RBFOX1: variants seen among roughly 807,000 people sequenced by gnomAD.
The protein encoded by RBFOX1 is RNA binding fox-1 homolog 1.
In RBFOX1, 8 loss-of-function variants were observed where a neutral mutation model predicts 57.7. The ratio of observed to expected loss-of-function variants is 0.14; its 90% CI spans 0.08 to 0.25. The LOEUF is 0.25. Ranked by LOEUF, RBFOX1 falls within the 10% of genes least tolerant of loss-of-function variation. The pLI is 1.00. For missense variants in RBFOX1, 611 were observed against 548.5 expected, an observed-to-expected ratio of 1.11 and a Z score of -1.14; for synonymous variants, 326 against 222.4, an observed-to-expected ratio of 1.47 and a Z score of -4.15.
At chr16:7,448,508 A>G (rs1456673244) in intron 4 of RBFOX1, among the ~76,000 whole-genome samples, 1 of 152,198 alleles carries the variant, frequency 6.6e-6, no homozygotes, top group Non-Finnish European at 1.5e-5. Flanking sequence ...CATAAGACTA[A>G]CTGACTATGG....
chr16:7,072,407 T>C (rs917855422), intron 4 of RBFOX1, among the ~76,000 whole-genome samples: 26 of 152,080 alleles, frequency 1.7e-4, no homozygotes, highest in African/African-American at 6.3e-4. Flanking sequence ...TTCTCCTGTC[T>C]TCTTACTCCC....
intron 3 of RBFOX1, among the ~76,000 whole-genome samples, chr16:6,792,236 T>G (rs2083112718): frequency 6.6e-6 from 1 of 152,166 alleles, no homozygotes; most frequent in Non-Finnish European, 1.5e-5. Context: ...TATTGGAGAA[T>G]TATAGGTGAT....
chr16:5,891,898 C>A (rs1005522961), intron 4 of RBFOX1, among the ~76,000 whole-genome samples: 4 of 152,156 alleles, frequency 2.6e-5, no homozygotes, highest in Admixed American at 2.6e-4. Flanking sequence ...GCACACGTTG[C>A]GCAGGACTAA....
At chr16:7,209,949 A>T (rs1448487224) in intron 4 of RBFOX1, among the ~76,000 whole-genome samples, 1 of 152,150 alleles carries the variant, frequency 6.6e-6, no homozygotes, top group Non-Finnish European at 1.5e-5. Flanking sequence ...AGGCAAAATG[A>T]AAGCTTTTAA....
At chr16:7,426,071 C>G (rs769232179) in intron 4 of RBFOX1, among the ~76,000 whole-genome samples, 1 of 152,194 alleles carries the variant, frequency 6.6e-6, no homozygotes, top group East Asian at 1.9e-4. Context: ...AATAGAAAGG[C>G]TTATCTCGTT....
At chr16:5,777,176 C>T (rs1418698965) in intron 3 of RBFOX1, among the ~76,000 whole-genome samples, 1 of 152,178 alleles carries the variant, frequency 6.6e-6, no homozygotes, top group Non-Finnish European at 1.5e-5. Flanking sequence ...GGTTGTTTTC[C>T]TCCTGGAGGC....
chr16:5,618,878 G>C (rs1042647291), intron 3 of RBFOX1, among the ~76,000 whole-genome samples: 1 of 152,302 alleles, frequency 6.6e-6, no homozygotes, highest in Non-Finnish European at 1.5e-5. Context: ...CCAGAACCCA[G>C]CTTCCTGTTG....
Position 6,632,829 on chromosome 16 carries a change from G to A in RBFOX1, c.-63-21774G>A, listed in dbSNP as rs1423756949. On this transcript the variant is annotated intron_variant, in intron 2 of 15. Transcript: ENST00000550418. Reference sequence around the variant, plus strand: ...CTTTTCATTATATTTGCTATTACTGGAGCTGCTCTCTTTTCTTAAAACCTG... The same window carrying A: ...CTTTTCATTATATTTGCTATTACTGAAGCTGCTCTCTTTTCTTAAAACCTG... 2.6e-5 allele frequency among the ~76,000 whole-genome samples: 4 copies of A among 152,172 alleles called. 1 individual carries two copies. The highest frequency in any genetic ancestry group is 9.7e-5 in the African/African-American group (4 of 41,438).
chr16:7,037,998 A>T (rs113762738), intron 3 of RBFOX1, among the ~76,000 whole-genome samples: 1 of 152,236 alleles, frequency 6.6e-6, no homozygotes, highest in African/African-American at 2.4e-5. Flanking sequence ...AATTACAGTT[A>T]AAACATCTTA....
intron 2 of RBFOX1, among the ~76,000 whole-genome samples, chr16:5,495,824 GGCTAAAGAAACCCATTAAGGGCTGAGCAT>G (rs2042983761): frequency 6.6e-6 from 1 of 152,182 alleles, no homozygotes; most frequent in Non-Finnish European, 1.5e-5. Context: ...TCCATCCCTT[GGCTAAAGAAACCCATTAAGGGCTGAGCAT>G]GGTGGCTCAC....
At position 5,257,931 on chromosome 16, in the gene RBFOX1, T is replaced by G. The variant is rs1292593338; in HGVS notation, c.219+17826T>G. Among the ~76,000 whole-genome samples the G allele has an allele frequency of 3.3e-5, 5 of 152,210 alleles. 1 individual carries two copies. In the South Asian group the frequency reaches 6.2e-4, roughly 19 times the overall value. On this transcript the variant is annotated intron_variant, in intron 1 of 2. Coordinates refer to the RBFOX1 transcript ENST00000585867. The stretch of plus-strand genomic sequence containing the variant: ...TCTAACTCTGTCACCCAGGCTGGAG[T>G]GCAGTGGTGTGACCTTGGCTCACTG...
intron 3 of RBFOX1, among the ~76,000 whole-genome samples, chr16:6,903,135 T>G (rs1468059372): frequency 6.6e-6 from 1 of 152,152 alleles, no homozygotes; most frequent in Non-Finnish European, 1.5e-5. Flanking sequence ...CCATCATAAG[T>G]GACTTCACTT....
At chr16:6,680,216 C>G (rs902048895) in intron 3 of RBFOX1, among the ~76,000 whole-genome samples, 27 of 150,118 alleles carry the variant, frequency 1.8e-4, no homozygotes, top group African/African-American at 6.6e-4. Flanking sequence ...AGTAAGTGGT[C>G]GAAGTACAAT....
intron 3 of RBFOX1, among the ~76,000 whole-genome samples, chr16:6,962,642 A>G (rs1177737371): frequency 6.6e-6 from 1 of 152,112 alleles, no homozygotes; most frequent in Non-Finnish European, 1.5e-5. Context: ...AGGCCGGTAG[A>G]TTGGTTGAAC....
intron 2 of RBFOX1, among the ~76,000 whole-genome samples, chr16:6,573,402 T>C: frequency 6.6e-6 from 1 of 152,200 alleles, no homozygotes; most frequent in Non-Finnish European, 1.5e-5. Flanking sequence ...TACTTTATCC[T>C]GGCCTGTCTC....
At chr16:7,638,131 A>G (rs1659002443) in intron 11 of RBFOX1, among the ~76,000 whole-genome samples, 3 of 152,130 alleles carry the variant, frequency 2.0e-5, no homozygotes, top group Admixed American at 2.0e-4. Context: ...AAGTTCTGCA[A>G]CGACAGTGAA....
chr16:7,455,756 C>G (rs1256613648), intron 4 of RBFOX1, among the ~76,000 whole-genome samples: 1 of 128,328 alleles, frequency 7.8e-6, no homozygotes, highest in East Asian at 2.2e-4. Flanking sequence ...CATTGCACTC[C>G]AGCCTGGGAA....
chr16:6,966,887 T>G (rs1308983904), intron 3 of RBFOX1, among the ~76,000 whole-genome samples: 1 of 131,690 alleles, frequency 7.6e-6, no homozygotes, highest in African/African-American at 3.0e-5. Flanking sequence ...ATCCATCTAT[T>G]CATCTCTCCA....
At chr16:7,673,673 G>A (rs2072334124) in intron 13 of RBFOX1, among the ~76,000 whole-genome samples, 1 of 152,168 alleles carries the variant, frequency 6.6e-6, no homozygotes, top group Admixed American at 6.5e-5. Context: ...GATCACTTTG[G>A]TGGCCTCACT....
Sources: allele counts gnomAD v4.1 joint callset (sites outside exome capture counted in the v4.1 genomes callset), GRCh38; gene constraint gnomAD v4.1.1; transcripts MANE v1.5; gene names NCBI Gene and HGNC (gene_info 2026-07-23, HGNC 2026-07-21).